PELI2: variants seen among roughly 807,000 people sequenced by gnomAD.
PELI2 encodes the protein E3 ubiquitin-protein ligase pellino homolog 2.
PELI2 carries 23 observed loss-of-function variants against 42.3 expected under a neutral mutation model. The observed-to-expected ratio is 0.54, with a 90% CI of 0.39 to 0.77. The LOEUF is 0.77. Among genes scored for constraint, PELI2 ranks in the 30% least tolerant of loss-of-function variants. The probability of loss-of-function intolerance (pLI) is 0.00; values close to 1 mark genes in which losing one functional copy is unlikely to be tolerated. For synonymous variants in PELI2, 245 were observed against 212.2 expected (o/e 1.15, Z -1.34); for missense variants, 463 against 553.2 (o/e 0.84, Z 1.64).
chr14:56,177,132 T>C (rs1885411626), intron 1 of PELI2, among the ~76,000 whole-genome samples: 1 of 152,224 alleles, frequency 6.6e-6, no homozygotes, highest in African/African-American at 2.4e-5. Flanking sequence ...AATGGAAACA[T>C]TAAAAAGACA....
intron 1 of PELI2, among the ~76,000 whole-genome samples, chr14:56,127,290 C>T (rs141807500): frequency 2.0e-5 from 3 of 152,102 alleles, no homozygotes; most frequent in East Asian, 3.9e-4. Context: ...TTAAAGGTCA[C>T]CTGACATGAA....
At chr14:56,221,429 C>G (rs1475422258) in intron 2 of PELI2, among the ~76,000 whole-genome samples, 1 of 152,322 alleles carries the variant, frequency 6.6e-6, no homozygotes, top group Admixed American at 6.5e-5. Flanking sequence ...GTTTTCCAAC[C>G]CCCTGTACTC....
chr14:56,164,100 C>T lies in PELI2; in HGVS notation c.78-14235C>T, dbSNP rs140035989. Among the ~76,000 whole-genome samples the T allele has an allele frequency of 1.7e-3, 262 of 152,064 alleles. 1 individual carries two copies. The highest frequency in any genetic ancestry group is 6.0e-3 in the African/African-American group (251 of 41,498). ...CCAGTACTATGTTGAGTAATGGTGGCGACAGTGGGCATCGTTGTTATGTTC... is the reference window on the plus strand; with the variant it reads ...CCAGTACTATGTTGAGTAATGGTGGTGACAGTGGGCATCGTTGTTATGTTC... On this transcript the variant is annotated intron_variant, in intron 1 of 5. Coordinates refer to ENST00000267460, the MANE Select transcript of PELI2 (RefSeq NM_021255.3).
intron 2 of PELI2, among the ~76,000 whole-genome samples, chr14:56,236,168 A>G (rs1055674529): frequency 1.3e-5 from 2 of 152,230 alleles, no homozygotes; most frequent in Non-Finnish European, 2.9e-5. Flanking sequence ...TAAATTGACC[A>G]CTTTTAATTA....
chr14:56,227,238 T>G (rs1440046842), intron 2 of PELI2, among the ~76,000 whole-genome samples: 6 of 151,938 alleles, frequency 3.9e-5, no homozygotes, highest in South Asian at 2.1e-4. Flanking sequence ...ATGACTAGGT[T>G]TGGATGGCAG....
chr14:56,233,740 G>A (rs1052319363), intron 2 of PELI2, among the ~76,000 whole-genome samples: 1 of 152,052 alleles, frequency 6.6e-6, no homozygotes, highest in Non-Finnish European at 1.5e-5. Flanking sequence ...GCAACAAAAG[G>A]CAAAATTGAC....
chr14:56,228,276 T>G (rs1887433164), intron 2 of PELI2, among the ~76,000 whole-genome samples: 1 of 152,226 alleles, frequency 6.6e-6, no homozygotes, highest in Non-Finnish European at 1.5e-5. Context: ...GTGGTTCATC[T>G]TTCCCTTTTT....
intron 1 of PELI2, among the ~76,000 whole-genome samples, chr14:56,161,732 A>AT (rs1324759067): frequency 4.6e-5 from 7 of 152,098 alleles, no homozygotes; most frequent in Non-Finnish European, 1.0e-4. Flanking sequence ...ACATATATAT[A>AT]TATTTTTTTT....
At chr14:56,193,354 T>C (rs242400) in intron 2 of PELI2, among the ~76,000 whole-genome samples, 26,975 of 152,106 alleles carry the variant, frequency 0.18, 3,040 homozygotes, top group East Asian at 0.53. Flanking sequence ...TTTAACCCAT[T>C]ATCTGATTTG....
chr14:56,186,677 G>A (rs1885779659), intron 2 of PELI2, among the ~76,000 whole-genome samples: 1 of 152,074 alleles, frequency 6.6e-6, no homozygotes, highest in Admixed American at 6.6e-5. Flanking sequence ...TCTTTTGGAT[G>A]GAGCATTAGA....
At chr14:56,275,796 CA>C (rs1566678880) in intron 2 of PELI2, among the ~76,000 whole-genome samples, 1 of 152,176 alleles carries the variant, frequency 6.6e-6, no homozygotes, top group East Asian at 1.9e-4. Context: ...CTGGTGTACA[CA>C]GCAAGCTGCT....
At chr14:56,154,480 T>TC (rs1240103638) in intron 1 of PELI2, among the ~76,000 whole-genome samples, 1 of 152,100 alleles carries the variant, frequency 6.6e-6, no homozygotes, top group African/African-American at 2.4e-5. Context: ...AAGTGGCAGC[T>TC]CCCCCCATTC....
At chr14:56,176,404 G>C (rs1474172665) in intron 1 of PELI2, among the ~76,000 whole-genome samples, 1 of 152,184 alleles carries the variant, frequency 6.6e-6, no homozygotes, top group Non-Finnish European at 1.5e-5. Context: ...AGTTTTGTTG[G>C]TGGCTTACAT....
At chr14:56,259,443 A>C (rs1224826354) in intron 2 of PELI2, among the ~76,000 whole-genome samples, 2 of 152,174 alleles carry the variant, frequency 1.3e-5, no homozygotes. Context: ...GACAAGAGAG[A>C]GGAGACCATA....
chr14:56,189,497 A>G lies in PELI2; in HGVS notation c.207+11033A>G, dbSNP rs948895490. Among the ~76,000 whole-genome samples the G allele has an allele frequency of 1.1e-4, 17 of 152,244 alleles. No homozygotes were observed. In the East Asian group the frequency reaches 3.3e-3, roughly 29 times the overall value. ...GCCTGATTTCACAGGTTGGGAATGT[A>G]TAATCCCTGCTGGTAGTAATAAAGT... On this transcript the variant is annotated intron_variant, in intron 2 of 5. Transcript: ENST00000267460.
intron 2 of PELI2, among the ~76,000 whole-genome samples, chr14:56,226,269 G>T (rs1163302814): frequency 1.3e-5 from 2 of 152,146 alleles, no homozygotes; most frequent in Non-Finnish European, 2.9e-5. Flanking sequence ...CCAGGCCCAG[G>T]CTGCTTCTCC....
chr14:56,138,206 TTAAAG>T (rs1313327621), intron 1 of PELI2, among the ~76,000 whole-genome samples: 1 of 152,224 alleles, frequency 6.6e-6, no homozygotes, highest in African/African-American at 2.4e-5. Flanking sequence ...CTGTTTTTGT[TTAAAG>T]TAGTCATTTT....
intron 2 of PELI2, among the ~76,000 whole-genome samples, chr14:56,231,265 A>G (rs1887559464): frequency 6.6e-6 from 1 of 152,182 alleles, no homozygotes; most frequent in African/African-American, 2.4e-5. Flanking sequence ...GACCTAATAG[A>G]CATCTACAGA....
chr14:56,237,884 C>T (rs966606760), intron 2 of PELI2, among the ~76,000 whole-genome samples: 7 of 151,826 alleles, frequency 4.6e-5, no homozygotes, highest in African/African-American at 1.7e-4. Context: ...TTTCCCCACT[C>T]CCTACTCCTC....
Sources: allele counts gnomAD v4.1 joint callset (sites outside exome capture counted in the v4.1 genomes callset), GRCh38; gene constraint gnomAD v4.1.1; transcripts MANE v1.5; gene names NCBI Gene and HGNC (gene_info 2026-07-23, HGNC 2026-07-21).